The following SAXO1 variants were observed in gnomAD, a reference collection of about 807,000 sequenced individuals.
SAXO1 encodes 4930500O09Rik.
A neutral mutation model predicts 17.5 loss-of-function variants in SAXO1; 21 were observed. The observed-to-expected ratio is 1.20, with a 90% CI of 0.85 to 1.72. The LOEUF is 1.72. Ranked by LOEUF, SAXO1 falls within the 40% of genes most tolerant of loss-of-function variation. SAXO1 has a pLI of 0.00. For synonymous variants in SAXO1, 274 were observed against 216.5 expected, an observed-to-expected ratio of 1.27 and a Z score of -2.33; for missense variants, 843 against 596.0, an observed-to-expected ratio of 1.41 and a Z score of -4.32.
chr9:19,020,204 T>G (rs1835164434), intron 1 of SAXO1, among the ~76,000 whole-genome samples: 1 of 152,166 alleles, frequency 6.6e-6, no homozygotes, highest in South Asian at 2.1e-4. Context: ...CAAGATCTTT[T>G]CACAAACTGA....
intron 1 of SAXO1, among the ~76,000 whole-genome samples, chr9:19,032,368 C>A (rs79489605): frequency 1.3e-5 from 2 of 152,200 alleles, no homozygotes; most frequent in Non-Finnish European, 2.9e-5. Context: ...GCAGGCCAGG[C>A]GACTGTGAAA....
At chr9:19,029,563 AGATTTAATTGGGGTGGGAGG>A (rs1334319589) in intron 1 of SAXO1, among the ~76,000 whole-genome samples, 3 of 152,162 alleles carry the variant, frequency 2.0e-5, no homozygotes, top group African/African-American at 4.8e-5. Context: ...GTCACTGAGC[AGATTTAATTGGGGTGGGAGG>A]GATTTAATTG....
chr9:18,973,661 C>T (rs946338621), intron 1 of SAXO1, among the ~76,000 whole-genome samples: 1 of 152,200 alleles, frequency 6.6e-6, no homozygotes, highest in Non-Finnish European at 1.5e-5. Flanking sequence ...TTTGGCTCAC[C>T]TGGCTACTTA....
chr9:18,933,353 T>A (rs967642006), intron 3 of SAXO1, among the ~76,000 whole-genome samples: 5 of 152,130 alleles, frequency 3.3e-5, no homozygotes, highest in African/African-American at 1.2e-4. Context: ...ATTCCCAGAA[T>A]AAATCTCATA....
At chr9:19,031,699 G>A (rs1006182458) in intron 1 of SAXO1, among the ~76,000 whole-genome samples, 12 of 152,348 alleles carry the variant, frequency 7.9e-5, no homozygotes, top group Non-Finnish European at 1.5e-4. Context: ...AGTTCAGTGA[G>A]TCCCAGTCCT....
rs555477379 is a variant in SAXO1, at chr9:18,979,438, G to T, written c.39-28501C>A. ...CAGATTTTACACCTCAGTCATGACT[G>T]GACAATGGTGAATGGGGGTATCTGT... On this transcript the variant is annotated intron_variant, in intron 1 of 3. Coordinates refer to ENST00000380534, the MANE Select transcript of SAXO1 (RefSeq NM_153707.4). Among the ~76,000 whole-genome samples the T allele has an allele frequency of 1.1e-4, 16 of 152,344 alleles. No homozygotes were observed. The South Asian group carries it at 3.1e-3, about 30-fold the overall frequency.
chr9:18,972,818 C>T (rs1362128064), intron 1 of SAXO1, among the ~76,000 whole-genome samples: 1 of 152,206 alleles, frequency 6.6e-6, no homozygotes, highest in African/African-American at 2.4e-5. Flanking sequence ...CTTCTTGGTG[C>T]CCACACTGCA....
intron 3 of SAXO1, among the ~76,000 whole-genome samples, chr9:18,933,872 C>T (rs750630137): frequency 3.9e-5 from 6 of 152,064 alleles, no homozygotes; most frequent in Non-Finnish European, 5.9e-5. Flanking sequence ...TGGTGAAACC[C>T]TGTCTCTACT....
At chr9:18,976,373 C>T (rs1327461513) in intron 1 of SAXO1, among the ~76,000 whole-genome samples, 3 of 152,182 alleles carry the variant, frequency 2.0e-5, no homozygotes, top group African/African-American at 4.8e-5. Context: ...GCTCTTGCTA[C>T]AAGCACAAAC....
intron 2 of SAXO1, among the ~76,000 whole-genome samples, chr9:18,942,569 G>A (rs1831616280): frequency 6.6e-6 from 1 of 152,188 alleles, no homozygotes; most frequent in Non-Finnish European, 1.5e-5. Context: ...GGAAAACAGT[G>A]AAATAACTGG....
chr9:19,007,794 C>A (rs73645561), intron 1 of SAXO1, among the ~76,000 whole-genome samples: 2 of 152,270 alleles, frequency 1.3e-5, no homozygotes, highest in East Asian at 3.9e-4. Flanking sequence ...GGATATTTCA[C>A]GACACGTGAA....
At chr9:19,038,838 A>AT (rs1225880379) in intron 1 of SAXO1, among the ~76,000 whole-genome samples, 2 of 152,060 alleles carry the variant, frequency 1.3e-5, no homozygotes, top group African/African-American at 4.8e-5. Flanking sequence ...CTTTAAAAAA[A>AT]TTAAAAAAAA....
Position 18,928,001 on chromosome 9 carries a change from T to G in SAXO1, c.*51A>C, listed in dbSNP as rs766060064. The G allele has an allele frequency of 1.4e-6, 2 of 1,457,398 alleles. No homozygotes were observed. The highest frequency in any genetic ancestry group is 2.8e-5 in the African/African-American group (2 of 70,986). The allele number at this position is 1,457,398 out of a possible 1,614,324, so 90.3% of individuals were successfully genotyped here. A position where few individuals can be genotyped will look rare whatever the true frequency, so the allele number is the denominator to read the frequency against. On this transcript the variant is annotated 3_prime_UTR_variant, in exon 4 of 4. Transcript: ENST00000380534. ...TTTTTGTCCAACAAATAATTCTCAGTTGTCTGCTTTTAAAAGTACTGTGTA... is the reference window on the plus strand; with the variant it reads ...TTTTTGTCCAACAAATAATTCTCAGGTGTCTGCTTTTAAAAGTACTGTGTA...
chr9:19,008,231 G>A (rs888272425), intron 1 of SAXO1, among the ~76,000 whole-genome samples: 1 of 152,078 alleles, frequency 6.6e-6, no homozygotes, highest in Non-Finnish European at 1.5e-5. Context: ...GCCCACTTTG[G>A]CCTCTCAAAG....
At chr9:18,992,290 C>T (rs1833844838) in intron 1 of SAXO1, among the ~76,000 whole-genome samples, 1 of 152,190 alleles carries the variant, frequency 6.6e-6, no homozygotes, top group South Asian at 2.1e-4. Flanking sequence ...TGAAATTCTG[C>T]TCCATGTGTT....
intron 1 of SAXO1, among the ~76,000 whole-genome samples, chr9:19,047,092 C>T (rs1007261556): frequency 2.0e-4 from 30 of 152,096 alleles, no homozygotes; most frequent in Admixed American, 7.9e-4. Flanking sequence ...GAGGCTGAGC[C>T]GGGAGAATGG....
chr9:18,968,025 C>T (rs1390840944), intron 1 of SAXO1, among the ~76,000 whole-genome samples: 1 of 152,210 alleles, frequency 6.6e-6, no homozygotes, highest in African/African-American at 2.4e-5. Flanking sequence ...CTTACGCTTC[C>T]TGGGTGAGGC....
intron 2 of SAXO1, among the ~76,000 whole-genome samples, chr9:18,944,985 C>T (rs1831728428): frequency 6.6e-6 from 1 of 152,162 alleles, no homozygotes; most frequent in Non-Finnish European, 1.5e-5. Flanking sequence ...TCTCTCACCC[C>T]TGCCCTCTTT....
At chr9:18,993,673 G>C (rs758827337) in intron 1 of SAXO1, among the ~76,000 whole-genome samples, 1 of 152,186 alleles carries the variant, frequency 6.6e-6, no homozygotes, top group Non-Finnish European at 1.5e-5. Flanking sequence ...GATTTCAACA[G>C]AAAGGGGGTA....
Sources: gnomAD v4.1 joint callset for allele counts (sites outside exome capture counted in the v4.1 genomes callset) on GRCh38, gnomAD v4.1.1 for gene constraint, MANE v1.5 for transcripts, NCBI Gene and HGNC (gene_info 2026-07-23, HGNC 2026-07-21) for gene names.